Variants in GALNTL6 observed in about 807,000 individuals in gnomAD.
GALNTL6 encodes polypeptide N-acetylgalactosaminyltransferase like 6.
In GALNTL6, 46 loss-of-function variants were observed where a neutral mutation model predicts 73.7. That is an observed-to-expected ratio of 0.62 (90% confidence interval 0.49 to 0.80). The LOEUF (loss-of-function observed/expected upper bound fraction) is 0.80, where lower values mean the gene tolerates loss of function less well. Among genes scored for constraint, GALNTL6 ranks in the 30% least tolerant of loss-of-function variants. The probability of loss-of-function intolerance (pLI) is 0.00; values close to 1 mark genes in which losing one functional copy is unlikely to be tolerated. For missense variants in GALNTL6, 604 were observed against 755.0 expected (o/e 0.80, Z 2.34); for synonymous variants, 259 against 263.7 (o/e 0.98, Z 0.17).
chr4:172,159,402 A>G (rs1734385004), intron 2 of GALNTL6, among the ~76,000 whole-genome samples: 1 of 152,324 alleles, frequency 6.6e-6, no homozygotes, highest in South Asian at 2.1e-4. Flanking sequence ...ACAATTACAA[A>G]GATGTATTAG....
chr4:172,053,113 T>C (rs1730923977), intron 2 of GALNTL6, among the ~76,000 whole-genome samples: 1 of 152,132 alleles, frequency 6.6e-6, no homozygotes, highest in Non-Finnish European at 1.5e-5. Context: ...GATTTTAAGA[T>C]AAATGAACTC....
At chr4:172,329,081 G>T (rs544618448) in intron 4 of GALNTL6, among the ~76,000 whole-genome samples, 17 of 152,304 alleles carry the variant, frequency 1.1e-4, no homozygotes, top group Middle Eastern at 3.4e-3. Flanking sequence ...GCCCAGTGAG[G>T]ACCAGGACCT....
chr4:172,792,762 T>C (rs1207866245), intron 5 of GALNTL6, among the ~76,000 whole-genome samples: 2 of 152,004 alleles, frequency 1.3e-5, no homozygotes, highest in Non-Finnish European at 2.9e-5. Flanking sequence ...GTTTAGTTTT[T>C]AATTGTGTTT....
intron 5 of GALNTL6, among the ~76,000 whole-genome samples, chr4:172,581,561 T>TG (rs1465803054): frequency 2.0e-5 from 3 of 152,242 alleles, no homozygotes; most frequent in Non-Finnish European, 4.4e-5. Context: ...TCTTTCCCTC[T>TG]GTCCCAATAT....
intron 5 of GALNTL6, among the ~76,000 whole-genome samples, chr4:172,753,294 G>A (rs1184439371): frequency 6.6e-6 from 1 of 152,174 alleles, no homozygotes; most frequent in African/African-American, 2.4e-5. Flanking sequence ...ATGTGGAACT[G>A]TGAGTCTATC....
intron 10 of GALNTL6, among the ~76,000 whole-genome samples, chr4:172,964,685 C>G (rs1750244316): frequency 1.3e-5 from 2 of 152,154 alleles, no homozygotes; most frequent in Admixed American, 1.3e-4. Flanking sequence ...AATGTTCTGG[C>G]AGTGCACAAG....
chr4:171,858,667 T>A (rs1735752571), intron 2 of GALNTL6, among the ~76,000 whole-genome samples: 1 of 152,138 alleles, frequency 6.6e-6, no homozygotes, highest in South Asian at 2.1e-4. Flanking sequence ...TACATGTACT[T>A]CTTTCACACA....
intron 2 of GALNTL6, among the ~76,000 whole-genome samples, chr4:171,948,952 CATAT>C (rs72364513): frequency 3.4e-5 from 5 of 149,074 alleles, no homozygotes; most frequent in African/African-American, 1.2e-4. Flanking sequence ...ACTCGCAAGC[CATAT>C]ATATATACAC....
chr4:172,989,463 CA>C (rs1470424129), intron 10 of GALNTL6, among the ~76,000 whole-genome samples: 1 of 152,050 alleles, frequency 6.6e-6, no homozygotes, highest in Admixed American at 6.5e-5. Flanking sequence ...TGGGAGGAGC[CA>C]GGGGAAGAAT....
chr4:172,358,229 G>A (rs1207775394), intron 5 of GALNTL6, among the ~76,000 whole-genome samples: 1 of 152,114 alleles, frequency 6.6e-6, no homozygotes, highest in African/African-American at 2.4e-5. Flanking sequence ...GCAAAGAACT[G>A]GATATGAAGC....
chr4:172,460,934 A>T lies in GALNTL6; in HGVS notation c.553+112245A>T, dbSNP rs182389320. ...CGTACACGTGTATGTTTATTTCAGC[A>T]CTATTCACAATAGCAAAAGCTTGGA... is the stretch of plus-strand genomic sequence containing the variant. On this transcript the variant is annotated intron_variant, in intron 5 of 12. Coordinates refer to ENST00000506823, the MANE Select transcript of GALNTL6 (RefSeq NM_001034845.3). Among the ~76,000 whole-genome samples, 539 of 152,308 alleles carry T rather than the reference A, an allele frequency of 3.5e-3. 3 individuals carry two copies. Among genetic ancestry groups the T allele is most frequent in the Middle Eastern group, 0.014 (4 of 294 alleles).
chr4:171,953,464 G>A (rs1345729345), intron 2 of GALNTL6, among the ~76,000 whole-genome samples: 1 of 152,098 alleles, frequency 6.6e-6, no homozygotes, highest in Non-Finnish European at 1.5e-5. Flanking sequence ...AATTGGCATT[G>A]CAAATAGGTG....
intron 7 of GALNTL6, among the ~76,000 whole-genome samples, chr4:172,842,873 G>A (rs1017473153): frequency 9.9e-5 from 15 of 152,026 alleles, no homozygotes; most frequent in African/African-American, 9.7e-5. Flanking sequence ...AAAGTGAGCC[G>A]TGAGGGAACA....
At chr4:171,975,343 A>G (rs886660902) in intron 2 of GALNTL6, among the ~76,000 whole-genome samples, 2 of 152,172 alleles carry the variant, frequency 1.3e-5, no homozygotes, top group Non-Finnish European at 1.5e-5. Flanking sequence ...TTCTGCCTGA[A>G]AATAATTATT....
chr4:172,751,643 C>G lies in GALNTL6; in HGVS notation c.554-57718C>G, dbSNP rs573519181. Among the ~76,000 whole-genome samples, 12 of 152,304 alleles carry G rather than the reference C, an allele frequency of 7.9e-5. No individual in the cohort carries two copies. The South Asian group carries it at 2.5e-3, about 32-fold the overall frequency. On this transcript the variant is annotated intron_variant, in intron 5 of 12. Transcript: ENST00000506823. ...GTCACAAAAACAGTGTAGGCTGGAT[C>G]CTCATTTTCAGACTTCACAGCACAG...
Position 172,465,215 on chromosome 4 carries a change from C to T in GALNTL6, c.553+116526C>T, listed in dbSNP as rs560465274. Among the ~76,000 whole-genome samples the T allele has an allele frequency of 2.6e-4, 40 of 152,248 alleles. No individual in the cohort carries two copies. In the South Asian group the frequency reaches 7.5e-3, roughly 28 times the overall value. On this transcript the variant is annotated intron_variant, in intron 5 of 12. Coordinates refer to ENST00000506823, the MANE Select transcript of GALNTL6 (RefSeq NM_001034845.3). ...AGTACTGGCAGCGCGCGGTGGCTCA[C>T]GCCTGTAATCCCAGCACTTGGGGAG...
chr4:172,976,641 A>T (rs1750824409), intron 10 of GALNTL6, among the ~76,000 whole-genome samples: 2 of 152,256 alleles, frequency 1.3e-5, no homozygotes, highest in Admixed American at 6.5e-5. Context: ...AATAGAAAGA[A>T]TACTTCAGGA....
At chr4:172,772,298 A>G (rs1438487176) in intron 5 of GALNTL6, among the ~76,000 whole-genome samples, 3 of 152,226 alleles carry the variant, frequency 2.0e-5, no homozygotes. Flanking sequence ...ATTAACAGAT[A>G]TCCAAGGAAG....
At chr4:172,601,592 C>G (rs546195450) in intron 5 of GALNTL6, among the ~76,000 whole-genome samples, 15 of 152,204 alleles carry the variant, frequency 9.9e-5, no homozygotes, top group Non-Finnish European at 2.1e-4. Flanking sequence ...ATATGCCCCT[C>G]TCCAGAAGCC....
Sources: allele counts gnomAD v4.1 joint callset (sites outside exome capture counted in the v4.1 genomes callset), GRCh38; gene constraint gnomAD v4.1.1; transcripts MANE v1.5; gene names NCBI Gene and HGNC (gene_info 2026-07-23, HGNC 2026-07-21).